The following TAB2 variants were observed in gnomAD, a reference collection of about 807,000 sequenced individuals.
TAB2 encodes TGF-beta activated kinase 1 (MAP3K7) binding protein 2.
TAB2 carries 3 observed loss-of-function variants against 65.0 expected under a neutral mutation model. The ratio of observed to expected loss-of-function variants is 0.05; its 90% CI spans 0.02 to 0.12. TAB2 has a LOEUF of 0.12. TAB2 is among the 10% of genes least tolerant of loss of function. The pLI, the probability that TAB2 is intolerant of heterozygous loss-of-function variation, is 1.00. For missense variants in TAB2, 623 were observed against 840.3 expected, an observed-to-expected ratio of 0.74 and a Z score of 3.20; for synonymous variants, 298 against 285.1, an observed-to-expected ratio of 1.05 and a Z score of -0.46.
At chr6:149,232,228 G>C (rs1462593397) in intron 1 of TAB2, among the ~76,000 whole-genome samples, 2 of 152,026 alleles carry the variant, frequency 1.3e-5, no homozygotes, top group East Asian at 3.9e-4. Context: ...GAAACAAAGG[G>C]AGTTTGATTT....
intron 6 of TAB2, among the ~76,000 whole-genome samples, chr6:149,405,768 C>T (rs1220219885): frequency 6.6e-6 from 1 of 151,794 alleles, no homozygotes; most frequent in African/African-American, 2.4e-5. Flanking sequence ...AGATTGTGGT[C>T]GAAGGGGTAC....
intron 2 of TAB2, among the ~76,000 whole-genome samples, chr6:149,374,597 T>C (rs772116424): frequency 6.6e-6 from 1 of 152,224 alleles, no homozygotes. Context: ...GCAGTGATCA[T>C]CAATAGCTGC....
intron 3 of TAB2, among the ~76,000 whole-genome samples, chr6:149,384,115 G>A (rs552437229): frequency 6.6e-6 from 1 of 152,228 alleles, no homozygotes; most frequent in South Asian, 2.1e-4. Flanking sequence ...CAGTGAAATT[G>A]ATTTTTCTAA....
chr6:149,254,022 G>GAAAGA (rs1777936981), intron 1 of TAB2, among the ~76,000 whole-genome samples: 1 of 124,684 alleles, frequency 8.0e-6, no homozygotes, highest in African/African-American at 3.1e-5. Flanking sequence ...AAGAAAGAAA[G>GAAAGA]AAAAGAAAGA....
At chr6:149,227,552 T>C (rs1277777337) in intron 1 of TAB2, among the ~76,000 whole-genome samples, 2 of 152,152 alleles carry the variant, frequency 1.3e-5, no homozygotes, top group Non-Finnish European at 2.9e-5. Flanking sequence ...CTTCAGGGCA[T>C]GCCTTCAAGA....
At chr6:149,271,213 A>C (rs1778356545) in intron 1 of TAB2, among the ~76,000 whole-genome samples, 2 of 152,106 alleles carry the variant, frequency 1.3e-5, no homozygotes, top group Admixed American at 6.5e-5. Flanking sequence ...ATCTCTAAAA[A>C]ATATATATAT....
At chr6:149,400,118 A>G (rs868066004) in intron 6 of TAB2, 28 of 465,566 alleles carry the variant, frequency 6.0e-5, no homozygotes, top group Admixed American at 2.3e-4. Flanking sequence ...ACTTATTAGT[A>G]ATTACCTTAA....
Position 149,227,468 on chromosome 6 carries a change from T to C in TAB2, c.-121+8692T>C, listed in dbSNP as rs116334489. Among the ~76,000 whole-genome samples the C allele has an allele frequency of 9.2e-3, 1,399 of 152,162 alleles. 21 individuals are homozygous for C. Among genetic ancestry groups the C allele is most frequent in the African/African-American group, 0.032 (1,337 of 41,524 alleles). On this transcript the variant is annotated intron_variant, in intron 1 of 1. Coordinates refer to the TAB2 transcript ENST00000606202. ...GGCTGCAAGAGAAAGAGCGTCATGT[T>C]ACCACCAACAAGCAGACAAGGCAAA...
At chr6:149,324,989 G>A (rs1779558670) in intron 1 of TAB2, among the ~76,000 whole-genome samples, 1 of 151,980 alleles carries the variant, frequency 6.6e-6, no homozygotes, top group African/African-American at 2.4e-5. Context: ...TATAGAGACA[G>A]GATCTCCCTT....
chr6:149,330,237 GTAAAAA>G (rs1779742960), intron 1 of TAB2, among the ~76,000 whole-genome samples: 1 of 152,126 alleles, frequency 6.6e-6, no homozygotes, highest in South Asian at 2.1e-4. Context: ...ACTTTGGGTT[GTAAAAA>G]TAAAACTGCT....
chr6:149,319,205 A>T (rs1779357612), intron 1 of TAB2, among the ~76,000 whole-genome samples: 1 of 152,184 alleles, frequency 6.6e-6, no homozygotes, highest in East Asian at 1.9e-4. Flanking sequence ...GCAATTCCAG[A>T]TTTGGCCGGG....
At chr6:149,358,674 T>TGTG (rs1238771619) in intron 1 of TAB2, among the ~76,000 whole-genome samples, 8 of 13,340 alleles carry the variant, frequency 6.0e-4, no homozygotes, top group African/African-American at 1.2e-3. Context: ...GTGTGTGTGT[T>TGTG]TTCAGTATAT....
upstream of TAB2, among the ~76,000 whole-genome samples, chr6:149,218,236 C>A (rs1262657669): frequency 6.6e-6 from 1 of 152,166 alleles, no homozygotes; most frequent in East Asian, 1.9e-4. Flanking sequence ...CCTAAAAATT[C>A]TTTGCAGTAA....
At chr6:149,288,379 G>C (rs2114692143) in intron 1 of TAB2, among the ~76,000 whole-genome samples, 1 of 152,318 alleles carries the variant, frequency 6.6e-6, no homozygotes, top group African/African-American at 2.4e-5. Context: ...CCCTCCAGGA[G>C]ACGGCAGCAA....
At chr6:149,358,322 A>G (rs1249271665) in intron 1 of TAB2, among the ~76,000 whole-genome samples, 3 of 151,022 alleles carry the variant, frequency 2.0e-5, no homozygotes, top group Non-Finnish European at 4.4e-5. Flanking sequence ...AGTATTTTAC[A>G]TTATTCTGCA....
intron 1 of TAB2, among the ~76,000 whole-genome samples, chr6:149,355,429 G>A (rs959106358): frequency 6.6e-6 from 1 of 152,024 alleles, no homozygotes; most frequent in African/African-American, 2.4e-5. Context: ...ACTTTGGGAG[G>A]CCGAGGTGGG....
chr6:149,222,311 C>G (rs1352690019), intron 1 of TAB2, among the ~76,000 whole-genome samples: 1 of 152,130 alleles, frequency 6.6e-6, no homozygotes, highest in Non-Finnish European at 1.5e-5. Context: ...TCACACGAGC[C>G]AATCCCTCAT....
intron 1 of TAB2, among the ~76,000 whole-genome samples, chr6:149,352,647 C>T (rs1275261386): frequency 2.0e-5 from 3 of 152,150 alleles, no homozygotes; most frequent in African/African-American, 7.2e-5. Flanking sequence ...TAGTCCCTTC[C>T]CTGCCTTTCA....
intron 1 of TAB2, among the ~76,000 whole-genome samples, chr6:149,221,515 G>A (rs1777148345): frequency 1.3e-5 from 2 of 152,188 alleles, no homozygotes; most frequent in African/African-American, 4.8e-5. Context: ...TTGACCTCAT[G>A]GCTCCCCTTA....
Sources: gnomAD v4.1 joint callset for allele counts (sites outside exome capture counted in the v4.1 genomes callset) on GRCh38, gnomAD v4.1.1 for gene constraint, MANE v1.5 for transcripts, NCBI Gene and HGNC (gene_info 2026-07-23, HGNC 2026-07-21) for gene names.